Variants in METTL8 observed in about 807,000 individuals in gnomAD.
METTL8 encodes methyltransferase 8, tRNA N3-cytidine, also known as tRNA N(3)-cytidine methyltransferase METTL8, mitochondrial.
Under a neutral mutation model 48.7 loss-of-function variants are expected in METTL8, and 32 were observed. The observed-to-expected ratio is 0.66, with a 90% confidence interval of 0.50 to 0.88. The LOEUF is 0.88. Ranked by LOEUF, METTL8 falls within the 40% of genes least tolerant of loss-of-function variation. The probability of loss-of-function intolerance (pLI) is 0.00; values close to 1 mark genes in which losing one functional copy is unlikely to be tolerated. For synonymous variants in METTL8, 136 were observed against 157.1 expected (o/e 0.87, Z 1.01); for missense variants, 464 against 474.4 (o/e 0.98, Z 0.20).
At position 171,375,205 on chromosome 2, in the gene METTL8, T is replaced by A. The variant is rs369899147; in HGVS notation, c.144-14692A>T. ...GTCCTTGGGCACGCATCGGGTACAGTTAGTGCAGCGAATAGGATGCACGTG... is the reference window on the plus strand; with the variant it reads ...GTCCTTGGGCACGCATCGGGTACAGATAGTGCAGCGAATAGGATGCACGTG... On this transcript the variant is annotated intron_variant, in intron 2 of 9. Coordinates refer to ENST00000375258, the MANE Select transcript of METTL8 (RefSeq NM_001321154.2). The A allele has an allele frequency of 1.6e-5, 22 of 1,381,788 alleles. No individual in the cohort carries two copies. In the African/African-American group the frequency reaches 3.0e-4, roughly 19 times the overall value. 85.6% of individuals were successfully genotyped at this position (1,381,788 alleles called of 1,614,324 possible).
chr2:171,396,749 T>C (rs547646476), intron 1 of METTL8, among the ~76,000 whole-genome samples: 42 of 152,134 alleles, frequency 2.8e-4, no homozygotes, highest in Non-Finnish European at 5.4e-4. Flanking sequence ...AATATCAAAA[T>C]GTATGGGATG....
At chr2:171,394,038 A>G (rs1277042731) in intron 1 of METTL8, among the ~76,000 whole-genome samples, 1 of 152,166 alleles carries the variant, frequency 6.6e-6, no homozygotes, top group Non-Finnish European at 1.5e-5. Flanking sequence ...TTCTCCAGTA[A>G]ATGCAAGCTC....
chr2:171,340,385 G>A (rs1231831943), intron 3 of METTL8, among the ~76,000 whole-genome samples: 1 of 145,566 alleles, frequency 6.9e-6, no homozygotes, highest in South Asian at 2.2e-4. Context: ...ACCTGTAATC[G>A]CGGCTCCTCA....
rs746486743 is a variant in METTL8, at chr2:171,339,217, A to G, written c.573T>C (p.Phe191=). The G allele has an allele frequency of 1.3e-6, 2 of 1,563,930 alleles. No homozygotes were observed. Among genetic ancestry groups the G allele is most frequent in the African/African-American group, 1.4e-5 (1 of 73,158 alleles). ...HKKGPMETGL[F]PGSNATFRIL... ...TCCTGAAAGTGGCATTGCTACCAGG[A>G]AACAATCCAGTCTCCATAGGTCCTT... The change falls in exon 4 of 10, where the codon TTT becomes TTC. Residue 191 remains phenylalanine (F), a synonymous_variant. Transcript: ENST00000375258.
At chr2:171,411,254 C>A (rs373727639) in intron 1 of METTL8, among the ~76,000 whole-genome samples, 1 of 152,252 alleles carries the variant, frequency 6.6e-6, no homozygotes, top group African/African-American at 2.4e-5. Flanking sequence ...GTAATTCCAA[C>A]AGAAATTCCA....
chr2:171,425,484 A>T (rs1167689873), intron 1 of METTL8, among the ~76,000 whole-genome samples: 4 of 152,176 alleles, frequency 2.6e-5, no homozygotes, highest in African/African-American at 7.2e-5. Flanking sequence ...ATTTGCTTTG[A>T]AGAAGCAGAC....
chr2:171,367,714 A>G (rs1175631864), intron 2 of METTL8, among the ~76,000 whole-genome samples: 2 of 152,228 alleles, frequency 1.3e-5, no homozygotes, highest in Non-Finnish European at 2.9e-5. Flanking sequence ...TAGCATTTAC[A>G]TATAGAGGTA....
upstream of METTL8, chr2:171,434,564 C>G (rs1457184454): frequency 2.6e-6 from 4 of 1,525,254 alleles, no homozygotes; most frequent in Admixed American, 2.0e-5. Flanking sequence ...ACCCAGGGCC[C>G]GGCCCGCGCC....
intron 5 of METTL8, 72 bp from the exon 6 acceptor site, chr2:171,331,939 G>T: frequency 1.8e-6 from 2 of 1,100,882 alleles, no homozygotes; most frequent in Non-Finnish European, 2.7e-6. Flanking sequence ...AGGTTGGAGT[G>T]TAGTAACGTG....
chr2:171,339,067 C>G, intron 4 of METTL8, 117 bp downstream of exon 4: 2 of 801,442 alleles, frequency 2.5e-6, no homozygotes, highest in Non-Finnish European at 1.8e-6. Flanking sequence ...ACACTGAATG[C>G]TTATTTACAT....
chr2:171,356,939 G>A (rs1446817347), intron 3 of METTL8, among the ~76,000 whole-genome samples: 2 of 48,882 alleles, frequency 4.1e-5, no homozygotes, highest in African/African-American at 1.2e-4. Flanking sequence ...AATTAGCCTT[G>A]TTCAAAGACA....
chr2:171,401,958 T>C (rs1463747347), intron 1 of METTL8, among the ~76,000 whole-genome samples: 1 of 152,176 alleles, frequency 6.6e-6, no homozygotes, highest in Non-Finnish European at 1.5e-5. Context: ...ATCCATTTGG[T>C]TTCTGCTCTC....
intron 3 of METTL8, among the ~76,000 whole-genome samples, chr2:171,344,120 TA>T (rs1687044730): frequency 6.6e-6 from 1 of 152,216 alleles, no homozygotes; most frequent in Non-Finnish European, 1.5e-5. Context: ...ATAGTAGCAT[TA>T]AAAATGACAA....
At chr2:171,416,891 A>G (rs1691368102) in intron 1 of METTL8, among the ~76,000 whole-genome samples, 1 of 152,212 alleles carries the variant, frequency 6.6e-6, no homozygotes, top group South Asian at 2.1e-4. Context: ...GAAGTTTTCT[A>G]AAGAGTTGGC....
In METTL8 at chr2:171,318,306, G is replaced by C. The variant is rs1194730139; in HGVS notation, c.*5866C>G. The stretch of plus-strand genomic sequence containing the variant: ...TGCTCAACATTTCATGCCTGAATTG[G>C]TATTAATGTGGCATTAATGTACATA... On this transcript the variant is annotated 3_prime_UTR_variant, in exon 10 of 10. Transcript: ENST00000375258. 1 of 152,116 alleles carries C rather than the reference G, an allele frequency of 6.6e-6. No individual in the cohort carries two copies. The highest frequency in any genetic ancestry group is 1.9e-4 in the East Asian group (1 of 5,194). 9.4% of individuals were successfully genotyped at this position (152,116 alleles called of 1,614,324 possible). A position where few individuals can be genotyped will look rare whatever the true frequency, so the allele number is the denominator to read the frequency against.
At chr2:171,369,552 TAATA>T (rs1179562132) in intron 2 of METTL8, among the ~76,000 whole-genome samples, 1 of 152,236 alleles carries the variant, frequency 6.6e-6, no homozygotes, top group Non-Finnish European at 1.5e-5. Context: ...GTTTTGGAAT[TAATA>T]AATGTTTTCA....
At chr2:171,346,637 T>C (rs1284712458) in intron 3 of METTL8, among the ~76,000 whole-genome samples, 1 of 152,168 alleles carries the variant, frequency 6.6e-6, no homozygotes, top group Non-Finnish European at 1.5e-5. Flanking sequence ...TATAATAATC[T>C]GCATATAGAA....
intron 5 of METTL8, among the ~76,000 whole-genome samples, chr2:171,334,187 C>T (rs1685845054): frequency 6.6e-6 from 1 of 152,182 alleles, no homozygotes; most frequent in Admixed American, 6.5e-5. Context: ...GGTCTGCAGT[C>T]TACCTTTGGG....
intron 3 of METTL8, among the ~76,000 whole-genome samples, chr2:171,352,007 G>C (rs1332088019): frequency 6.6e-6 from 1 of 152,202 alleles, no homozygotes; most frequent in South Asian, 2.1e-4. Flanking sequence ...TTGAGTAAGA[G>C]TGGTGAGAGA....
Sources: gnomAD v4.1 joint callset for allele counts (sites outside exome capture counted in the v4.1 genomes callset) on GRCh38, gnomAD v4.1.1 for gene constraint, MANE v1.5 for transcripts, NCBI Gene and HGNC (gene_info 2026-07-23, HGNC 2026-07-21) for gene names.